Variants in MYO5B observed in about 807,000 individuals in gnomAD.
MYO5B encodes myosin VB.
MYO5B carries 143 observed loss-of-function variants against 229.3 expected under a neutral mutation model. The ratio of observed to expected loss-of-function variants is 0.62; its 90% CI spans 0.54 to 0.72. MYO5B has a LOEUF of 0.72. Among genes scored for constraint, MYO5B ranks in the 30% least tolerant of loss-of-function variants. The pLI is 0.00. For synonymous variants in MYO5B, 918 were observed against 885.2 expected (o/e 1.04, Z -0.66); for missense variants, 2,321 against 2,331.0 (o/e 1.00, Z 0.09).
intron 14 of MYO5B, among the ~76,000 whole-genome samples, chr18:49,949,953 C>T (rs2025415167): frequency 6.6e-6 from 1 of 152,164 alleles, no homozygotes; most frequent in African/African-American, 2.4e-5. Context: ...CAGATGCTGC[C>T]AGACATGCCC....
At chr18:49,882,111 C>CA (rs1181528782) in intron 22 of MYO5B, among the ~76,000 whole-genome samples, 3 of 151,978 alleles carry the variant, frequency 2.0e-5, no homozygotes, top group Non-Finnish European at 4.4e-5. Context: ...CTGAGCATTG[C>CA]AAAAAACAGG....
In MYO5B at chr18:50,133,117, A is replaced by G. The variant is rs142498313; in HGVS notation, c.27+61650T>C. On this transcript the variant is annotated intron_variant, in intron 1 of 39. Coordinates refer to ENST00000285039, the MANE Select transcript of MYO5B (RefSeq NM_001080467.3). The stretch of plus-strand genomic sequence containing the variant: ...CAGAATATGACTGTTTCCTTCCTGG[A>G]AAAGCAAAAATATCAATGAGGAGGA... Among the ~76,000 whole-genome samples the G allele has an allele frequency of 3.4e-3, 520 of 152,334 alleles. 5 individuals carry two copies. Among genetic ancestry groups the G allele is most frequent in the African/African-American group, 0.012 (503 of 41,564 alleles).
At chr18:49,837,406 T>C (rs1330056331) in intron 37 of MYO5B, 111 bp downstream of exon 37, 6 of 1,327,134 alleles carry the variant, frequency 4.5e-6, no homozygotes, top group Non-Finnish European at 5.4e-6. Flanking sequence ...ACAAGGACTG[T>C]CAATTAGATT....
intron 1 of MYO5B, among the ~76,000 whole-genome samples, chr18:50,171,223 AAAAGT>A (rs1408389727): frequency 7.8e-6 from 1 of 128,252 alleles, no homozygotes; most frequent in Non-Finnish European, 1.7e-5. Context: ...CAAATATGCA[AAAAGT>A]AAAGTAATCA....
intron 1 of MYO5B, among the ~76,000 whole-genome samples, chr18:50,056,874 C>T (rs2030564250): frequency 6.6e-6 from 1 of 151,820 alleles, no homozygotes; most frequent in Non-Finnish European, 1.5e-5. Context: ...AAGCAAACAT[C>T]AACCACTTTG....
chr18:49,950,002 T>C (rs1465113715), intron 14 of MYO5B, among the ~76,000 whole-genome samples: 1 of 152,066 alleles, frequency 6.6e-6, no homozygotes, highest in Non-Finnish European at 1.5e-5. Context: ...AGAATCACTC[T>C]TTGATTTGCA....
At chr18:50,187,517 G>T (rs8086076) in intron 1 of MYO5B, among the ~76,000 whole-genome samples, 76,870 of 150,452 alleles carry the variant, frequency 0.51, 19,770 homozygotes, top group Admixed American at 0.59. Flanking sequence ...TGCTTTTTTT[G>T]GGGGGGTGGG....
rs189622027 is a variant in MYO5B at position 50,137,259 on chromosome 18, C to A, written c.27+57508G>T. On this transcript the variant is annotated intron_variant, in intron 1 of 39. Transcript: ENST00000285039. ...TAGCCTATCTACCAAAAGGGAAAAT[C>A]TATACTCCACTTACATTTTGAACAA... 1.4e-4 allele frequency among the ~76,000 whole-genome samples: 21 copies of A among 152,346 alleles called. 1 individual carries two copies. The highest frequency in any genetic ancestry group is 1.3e-3 in the Admixed American group (20 of 15,292).
At chr18:50,050,072 T>C (rs2030351654) in intron 2 of MYO5B, among the ~76,000 whole-genome samples, 1 of 152,222 alleles carries the variant, frequency 6.6e-6, no homozygotes, top group Non-Finnish European at 1.5e-5. Context: ...CATTATACTT[T>C]ATGCTGAAAC....
intron 4 of MYO5B, among the ~76,000 whole-genome samples, chr18:50,015,009 T>C (rs571135074): frequency 1.3e-4 from 20 of 152,176 alleles, no homozygotes; most frequent in South Asian, 2.1e-4. Context: ...TCTCCTGGAA[T>C]TGGGGGTCTT....
chr18:49,839,084 C>T (rs945787828), intron 36 of MYO5B, 60 bp downstream of exon 36: 40 of 1,602,764 alleles, frequency 2.5e-5, no homozygotes, highest in Non-Finnish European at 2.8e-5. Context: ...GTGCTGACCA[C>T]GCCTTCCCCT....
chr18:50,038,532 TG>T lies in MYO5B; in HGVS notation c.311-1539del, dbSNP rs375146003. On this transcript the variant is annotated intron_variant, in intron 3 of 39. Transcript: ENST00000285039. ...CTCTTAGGAACAGCCTCACATGTTC[TG>T]CTTGTTATTAGAGTTCTATAAGATT... Among the ~76,000 whole-genome samples the T allele has an allele frequency of 5.9e-5, 9 of 152,340 alleles. No homozygotes were observed. In the South Asian group the frequency reaches 1.4e-3, roughly 25 times the overall value.
chr18:49,904,603 G>A, intron 20 of MYO5B, 69 bp downstream of exon 20: 1 of 1,590,326 alleles, frequency 6.3e-7, no homozygotes, highest in Non-Finnish European at 8.6e-7. Flanking sequence ...GTTCACGTTG[G>A]CAGTAATTCA....
At chr18:50,093,207 GAC>G (rs772200737) in intron 1 of MYO5B, among the ~76,000 whole-genome samples, 34,427 of 119,422 alleles carry the variant, frequency 0.29, 4,393 homozygotes, top group African/African-American at 0.4. Context: ...CACACACACA[GAC>G]ACACACACAC....
chr18:49,826,806 G>C (rs958388227), intron 39 of MYO5B, among the ~76,000 whole-genome samples, 183 bp from the exon 40 acceptor site: 1 of 152,192 alleles, frequency 6.6e-6, no homozygotes, highest in Non-Finnish European at 1.5e-5. Context: ...GAGAAGCCCT[G>C]ACTTAGGCTT....
At chr18:50,063,717 G>T (rs1033492347) in intron 1 of MYO5B, 2 of 152,134 alleles carry the variant, frequency 1.3e-5, no homozygotes, top group Non-Finnish European at 2.9e-5. Context: ...CACATGCTAT[G>T]GTATCGTATG....
At chr18:50,092,687 C>G (rs1251551125) in intron 1 of MYO5B, among the ~76,000 whole-genome samples, 1 of 152,074 alleles carries the variant, frequency 6.6e-6, no homozygotes, top group Non-Finnish European at 1.5e-5. Context: ...TCCTAAAAAG[C>G]TGCAATCATG....
intron 19 of MYO5B, 52 bp from the exon 20 acceptor site, chr18:49,904,880 T>A: frequency 2.5e-6 from 4 of 1,599,302 alleles, no homozygotes; most frequent in Non-Finnish European, 3.4e-6. Context: ...TTGACCGCCC[T>A]GATGCAGAGA....
At chr18:49,989,221 A>G (rs1049060260) in intron 7 of MYO5B, among the ~76,000 whole-genome samples, 4 of 152,210 alleles carry the variant, frequency 2.6e-5, no homozygotes, top group African/African-American at 4.8e-5. Flanking sequence ...AGATACAGGG[A>G]TTCATAAGCA....
Sources: allele counts gnomAD v4.1 joint callset (sites outside exome capture counted in the v4.1 genomes callset), GRCh38; gene constraint gnomAD v4.1.1; transcripts MANE v1.5; gene names NCBI Gene and HGNC (gene_info 2026-07-23, HGNC 2026-07-21).